Variants in ATP10B observed in about 807,000 individuals in gnomAD.
ATP10B encodes phospholipid-transporting ATPase VB.
In ATP10B, 122 loss-of-function variants were observed where a neutral mutation model predicts 141.2. The observed-to-expected ratio is 0.86, with a 90% CI of 0.75 to 1.00. The LOEUF (loss-of-function observed/expected upper bound fraction) is 1.00, where lower values mean the gene tolerates loss of function less well. ATP10B is among the 50% of genes least tolerant of loss of function. ATP10B has a pLI of 0.00. For synonymous variants in ATP10B, 685 were observed against 692.0 expected (o/e 0.99, Z 0.16); for missense variants, 1,876 against 1,825.3 (o/e 1.03, Z -0.51).
chr5:160,665,144 G>A (rs751283993), intron 7 of ATP10B, among the ~76,000 whole-genome samples: 1 of 151,854 alleles, frequency 6.6e-6, no homozygotes, highest in Admixed American at 6.6e-5. Context: ...TGGGATAAAA[G>A]TTCCAATGAA....
intron 10 of ATP10B, 23 bp downstream of exon 10, chr5:160,640,438 G>C (rs1315913767): frequency 1.2e-6 from 2 of 1,611,882 alleles, no homozygotes; most frequent in Non-Finnish European, 1.7e-6. Context: ...CTGTGTCCTT[G>C]TTCTTTCCAG....
chr5:160,659,794 A>G (rs1761789431), intron 7 of ATP10B, among the ~76,000 whole-genome samples: 1 of 152,194 alleles, frequency 6.6e-6, no homozygotes, highest in Admixed American at 6.5e-5. Flanking sequence ...GAGCTTTAGA[A>G]TTTTCATACA....
chr5:160,682,537 C>T (rs761662707), intron 6 of ATP10B, among the ~76,000 whole-genome samples: 11 of 152,270 alleles, frequency 7.2e-5, no homozygotes, highest in Non-Finnish European at 1.3e-4. Context: ...GTGGTCTAAT[C>T]CACACTGAGA....
At chr5:160,682,865 C>T (rs1763500358) in intron 6 of ATP10B, among the ~76,000 whole-genome samples, 1 of 151,656 alleles carries the variant, frequency 6.6e-6, no homozygotes, top group African/African-American at 2.4e-5. Context: ...TGGTGAAACC[C>T]CGTCTCTACT....
the ATP10B span, among the ~76,000 whole-genome samples, chr5:160,906,785 T>C: frequency 6.6e-6 from 1 of 152,170 alleles, no homozygotes; most frequent in Non-Finnish European, 1.5e-5. Context: ...GTTGTCATCT[T>C]GTGACGATAA....
At chr5:160,655,478 C>T (rs529294729) in intron 7 of ATP10B, among the ~76,000 whole-genome samples, 47 of 152,144 alleles carry the variant, frequency 3.1e-4, no homozygotes, top group African/African-American at 1.1e-3. Context: ...CCTGTAATAA[C>T]CTTGTTTTTG....
At chr5:160,677,645 G>C (rs945053123) in intron 6 of ATP10B, among the ~76,000 whole-genome samples, 2 of 152,144 alleles carry the variant, frequency 1.3e-5, no homozygotes, top group Non-Finnish European at 2.9e-5. Flanking sequence ...GCCTATCAAG[G>C]CTACCGAACT....
intron 7 of ATP10B, among the ~76,000 whole-genome samples, chr5:160,659,494 A>AAAAC (rs894814509): frequency 6.6e-6 from 1 of 150,784 alleles, no homozygotes; most frequent in Non-Finnish European, 1.5e-5. Flanking sequence ...AACAAAAACA[A>AAAAC]AAACAAACAA....
At chr5:160,601,550 A>G (rs1757098719) in intron 21 of ATP10B, among the ~76,000 whole-genome samples, 1 of 152,208 alleles carries the variant, frequency 6.6e-6, no homozygotes, top group South Asian at 2.1e-4. Context: ...GACCGTTTTA[A>G]TACCTCAGTT....
chr5:160,748,497 G>A (rs1307129582), intron 2 of ATP10B, among the ~76,000 whole-genome samples: 4 of 152,182 alleles, frequency 2.6e-5, no homozygotes, highest in Non-Finnish European at 5.9e-5. Flanking sequence ...GAGTGCTGGG[G>A]AGCACAGGCC....
chr5:160,847,206 T>C (rs991462534), intron 1 of ATP10B, among the ~76,000 whole-genome samples: 3 of 152,198 alleles, frequency 2.0e-5, no homozygotes, highest in African/African-American at 4.8e-5. Context: ...AGTCTAATAG[T>C]TCCTGGGGCA....
intron 7 of ATP10B, among the ~76,000 whole-genome samples, chr5:160,649,943 T>C (rs1056853105): frequency 2.6e-5 from 4 of 151,854 alleles, no homozygotes; most frequent in Admixed American, 6.6e-5. Flanking sequence ...ACCCCGTCTC[T>C]ACTAAAAATA....
chr5:160,718,004 C>A (rs1765762274), intron 2 of ATP10B, among the ~76,000 whole-genome samples: 1 of 152,150 alleles, frequency 6.6e-6, no homozygotes, highest in South Asian at 2.1e-4. Context: ...CCACAGAGGG[C>A]CAGCCAGGCT....
Position 160,785,821 on chromosome 5 carries a change from G to A in ATP10B, c.-575-18C>T. 1 of 389,170 alleles carries A rather than the reference G, an allele frequency of 2.6e-6. No individual in the cohort carries two copies. Among genetic ancestry groups the A allele is most frequent in the Non-Finnish European group, 4.3e-6 (1 of 233,302 alleles). The allele number at this position is 389,170 out of a possible 1,614,324, so 24.1% of individuals were successfully genotyped here. On this transcript the variant is annotated intron_variant, in intron 1 of 25. Transcript: ENST00000327245. ...AAGGAAGCCTGCACGACACAGGACA[G>A]AAAAGAAATACAAAATATACAATCT... is the stretch of plus-strand genomic sequence containing the variant.
At chr5:160,867,026 A>C in the ATP10B span, among the ~76,000 whole-genome samples, 1 of 152,064 alleles carries the variant, frequency 6.6e-6, no homozygotes, top group South Asian at 2.1e-4. Context: ...TCAGATCTAG[A>C]TTTATGTCCT....
In ATP10B at chr5:160,702,861, A is replaced by G. The variant is rs530624955; in HGVS notation, c.-204-13918T>C. Among the ~76,000 whole-genome samples, 4 of 152,302 alleles carry G rather than the reference A, an allele frequency of 2.6e-5. No individual in the cohort carries two copies. The East Asian group carries it at 7.7e-4, about 29-fold the overall frequency. On this transcript the variant is annotated intron_variant, in intron 3 of 25. Coordinates refer to ENST00000327245, the MANE Select transcript of ATP10B (RefSeq NM_025153.3). The stretch of plus-strand genomic sequence containing the variant: ...AGGTACACTTCTAAGAATACAATTC[A>G]CCTGCTTTCAATATTATTTATCTTT...
At chr5:160,826,218 T>A (rs1337104099) in intron 1 of ATP10B, among the ~76,000 whole-genome samples, 1 of 152,140 alleles carries the variant, frequency 6.6e-6, no homozygotes, top group Non-Finnish European at 1.5e-5. Context: ...GCTTTAAGTT[T>A]TGAGCAATCT....
intron 19 of ATP10B, among the ~76,000 whole-genome samples, chr5:160,606,486 T>C (rs1757393073): frequency 6.6e-6 from 1 of 152,236 alleles, no homozygotes; most frequent in South Asian, 2.1e-4. Context: ...TTTCTTGAGC[T>C]ATCTGGATTC....
At chr5:160,757,307 A>T (rs950317227) in intron 2 of ATP10B, among the ~76,000 whole-genome samples, 1 of 152,212 alleles carries the variant, frequency 6.6e-6, no homozygotes, top group Admixed American at 6.5e-5. Flanking sequence ...TTCATTTGCC[A>T]TGAAAGTAGT....
Sources: gnomAD v4.1 joint callset for allele counts (sites outside exome capture counted in the v4.1 genomes callset) on GRCh38, gnomAD v4.1.1 for gene constraint, MANE v1.5 for transcripts, NCBI Gene and HGNC (gene_info 2026-07-23, HGNC 2026-07-21) for gene names.